Variants in EEIG2 observed in about 807,000 individuals in gnomAD.
EEIG2 encodes family with sequence similarity 102 member B.
chr1:108,583,511 A>G, the EEIG2 span, among the ~76,000 whole-genome samples: 1 of 151,862 alleles, frequency 6.6e-6, no homozygotes, highest in East Asian at 1.9e-4. Flanking sequence ...AAACTTTAGT[A>G]TATTTATTTC....
the EEIG2 span, among the ~76,000 whole-genome samples, chr1:108,576,114 TG>T: frequency 6.6e-6 from 1 of 152,178 alleles, no homozygotes; most frequent in African/African-American, 2.4e-5. Flanking sequence ...CCCAAGTAGC[TG>T]GGACCACAGG....
chr1:108,572,197 A>G, the EEIG2 span, among the ~76,000 whole-genome samples: 2 of 152,220 alleles, frequency 1.3e-5, no homozygotes, highest in African/African-American at 4.8e-5. Context: ...CTTGACTTCC[A>G]TGAATCCTAT....
At chr1:108,569,251 C>G in the EEIG2 span, among the ~76,000 whole-genome samples, 5 of 152,156 alleles carry the variant, frequency 3.3e-5, no homozygotes, top group African/African-American at 1.2e-4. Flanking sequence ...GTACTACTAA[C>G]AGTTGAATGA....
chr1:108,575,584 G>A, the EEIG2 span, among the ~76,000 whole-genome samples: 40 of 152,298 alleles, frequency 2.6e-4, no homozygotes, highest in African/African-American at 8.9e-4. Flanking sequence ...TTGATGAAAG[G>A]ATAAATGAAA....
chr1:108,599,805 A>T, the EEIG2 span, among the ~76,000 whole-genome samples: 1 of 152,240 alleles, frequency 6.6e-6, no homozygotes, highest in Non-Finnish European at 1.5e-5. Context: ...CAGCCTGGAC[A>T]ACATAGCCAA....
chr1:108,623,390 G>A, the EEIG2 span, among the ~76,000 whole-genome samples: 3 of 152,150 alleles, frequency 2.0e-5, no homozygotes, highest in Non-Finnish European at 4.4e-5. Context: ...TGCTAACTGG[G>A]GGACTAAGGA....
At chr1:108,599,273 T>C in the EEIG2 span, among the ~76,000 whole-genome samples, 3 of 152,260 alleles carry the variant, frequency 2.0e-5, no homozygotes, top group East Asian at 5.8e-4. Context: ...CCACAGCAGT[T>C]TTCCTGTCTC....
chr1:108,574,851 C>G, the EEIG2 span, among the ~76,000 whole-genome samples: 1 of 152,006 alleles, frequency 6.6e-6, no homozygotes, highest in Non-Finnish European at 1.5e-5. Context: ...TTAGGCCAAA[C>G]CAATTATTTG....
the EEIG2 span, among the ~76,000 whole-genome samples, chr1:108,586,592 G>C: frequency 6.6e-6 from 1 of 152,058 alleles, no homozygotes; most frequent in African/African-American, 2.4e-5. Flanking sequence ...ACTAGGAAAG[G>C]ATAAGAAGAC....
At chr1:108,624,686 C>T in the EEIG2 span, 1 of 1,614,062 alleles carries the variant, frequency 6.2e-7, no homozygotes, top group East Asian at 2.2e-5. Context: ...GCTGGTGAAT[C>T]TGAATCTTTG....
At chr1:108,595,110 A>G in the EEIG2 span, among the ~76,000 whole-genome samples, 1 of 152,216 alleles carries the variant, frequency 6.6e-6, no homozygotes, top group Non-Finnish European at 1.5e-5. Flanking sequence ...AAAAGCTACT[A>G]CATTATAAGG....
At chr1:108,586,487 C>T in the EEIG2 span, among the ~76,000 whole-genome samples, 1 of 152,072 alleles carries the variant, frequency 6.6e-6, no homozygotes, top group African/African-American at 2.4e-5. Flanking sequence ...AAATTACTTT[C>T]AACATCCCTT....
chr1:108,577,009 T>C, the EEIG2 span, among the ~76,000 whole-genome samples: 1 of 149,766 alleles, frequency 6.7e-6, no homozygotes, highest in Non-Finnish European at 1.5e-5. Flanking sequence ...TGAGATGATA[T>C]CTCATAGTGG....
At chr1:108,592,830 T>G in the EEIG2 span, among the ~76,000 whole-genome samples, 7 of 152,178 alleles carry the variant, frequency 4.6e-5, no homozygotes, top group Non-Finnish European at 1.0e-4. Context: ...AAAATAAGCA[T>G]TTTAAATAAT....
chr1:108,606,082 A>G, the EEIG2 span: 1 of 453,836 alleles, frequency 2.2e-6, no homozygotes, highest in Non-Finnish European at 3.8e-6. Context: ...GAGTCTAAAT[A>G]GTTGGATTTA....
chr1:108,604,302 A>C, the EEIG2 span, among the ~76,000 whole-genome samples: 64 of 152,308 alleles, frequency 4.2e-4, no homozygotes, highest in Middle Eastern at 3.4e-3. Context: ...CATCTTCTGT[A>C]AGATCACTTT....
the EEIG2 span, chr1:108,612,430 C>T: frequency 1.1e-5 from 6 of 566,850 alleles, no homozygotes; most frequent in Non-Finnish European, 1.8e-5. Flanking sequence ...GTATTCATCA[C>T]TTAGGGAAAA....
chr1:108,606,339 C>T, the EEIG2 span: 1 of 878,552 alleles, frequency 1.1e-6, no homozygotes, highest in South Asian at 2.3e-5. Flanking sequence ...GTTTACTCTT[C>T]TAATATCTGT....
chr1:108,608,103 A>C, the EEIG2 span, among the ~76,000 whole-genome samples: 3 of 152,162 alleles, frequency 2.0e-5, no homozygotes, highest in Non-Finnish European at 4.4e-5. Flanking sequence ...ACACTCATAC[A>C]TTCATCCTTA....
Sources: allele counts gnomAD v4.1 joint callset (sites outside exome capture counted in the v4.1 genomes callset), GRCh38; gene constraint gnomAD v4.1.1; transcripts MANE v1.5; gene names NCBI Gene and HGNC (gene_info 2026-07-23, HGNC 2026-07-21).